The following VRK2 variants were observed in gnomAD, a reference collection of about 807,000 sequenced individuals.
The protein encoded by VRK2 is VRK serine/threonine kinase 2.
A neutral mutation model predicts 57.6 loss-of-function variants in VRK2; 60 were observed. That is an observed-to-expected ratio of 1.04 (90% CI 0.85 to 1.29). VRK2 has a LOEUF of 1.29. Among genes scored for constraint, VRK2 ranks in the 50% most tolerant of loss-of-function variants. The pLI is 0.00. For synonymous variants in VRK2, 231 were observed against 199.2 expected, an observed-to-expected ratio of 1.16 and a Z score of -1.35; for missense variants, 705 against 588.1, an observed-to-expected ratio of 1.20 and a Z score of -2.06.
intron 1 of VRK2, among the ~76,000 whole-genome samples, chr2:57,994,161 T>A (rs1672854130): frequency 1.3e-5 from 2 of 152,208 alleles, no homozygotes; most frequent in Non-Finnish European, 2.9e-5. Context: ...GAAAACTTTA[T>A]GGTCATTGAA....
chr2:57,925,210 T>C (rs937719979), intron 1 of VRK2, among the ~76,000 whole-genome samples: 4 of 152,110 alleles, frequency 2.6e-5, no homozygotes, highest in African/African-American at 9.7e-5. Context: ...ATCTGGGTAA[T>C]ACTGGCCTTG....
intron 12 of VRK2, chr2:58,159,138 T>C: frequency 4.8e-6 from 2 of 417,224 alleles, no homozygotes; most frequent in Non-Finnish European, 8.5e-6. Flanking sequence ...ACCACTCAAA[T>C]TATATCCAGA....
chr2:58,133,427 T>C (rs1679505021), intron 9 of VRK2, among the ~76,000 whole-genome samples: 1 of 152,230 alleles, frequency 6.6e-6, no homozygotes, highest in African/African-American at 2.4e-5. Context: ...ATAGACATTT[T>C]CAAACTTATT....
At chr2:57,983,325 C>G (rs1203211625) in intron 1 of VRK2, among the ~76,000 whole-genome samples, 1 of 152,168 alleles carries the variant, frequency 6.6e-6, no homozygotes, top group Non-Finnish European at 1.5e-5. Context: ...AGGAAAGGTT[C>G]TCAGCTTTTA....
chr2:58,057,073 TCCCCCA>T, intron 2 of VRK2, among the ~76,000 whole-genome samples: 1 of 152,098 alleles, frequency 6.6e-6, no homozygotes, highest in Non-Finnish European at 1.5e-5. Flanking sequence ...TTAACCTGTT[TCCCCCA>T]ACATGTGTGC....
rs372881731 is a variant in VRK2, at chr2:58,117,739, T to C, written c.544-5362T>C. Reference sequence around the variant, plus strand: ...GTTTGGAACTACTGTCAAGTTTGTATTGGGGTCAAGCGGCATTGCAGAAGA... The same window carrying C: ...GTTTGGAACTACTGTCAAGTTTGTACTGGGGTCAAGCGGCATTGCAGAAGA... On this transcript the variant is annotated intron_variant, in intron 7 of 12. Coordinates refer to ENST00000340157, the MANE Select transcript of VRK2 (RefSeq NM_006296.7). Among the ~76,000 whole-genome samples the C allele has an allele frequency of 3.3e-4, 50 of 152,230 alleles. 1 individual carries two copies. In the East Asian group the frequency reaches 5.8e-3, roughly 18 times the overall value.
chr2:57,962,612 C>T (rs1457293485), intron 1 of VRK2, among the ~76,000 whole-genome samples: 3 of 152,088 alleles, frequency 2.0e-5, no homozygotes, highest in African/African-American at 7.2e-5. Flanking sequence ...CTCTTGTTTC[C>T]TTCTTCGAGT....
chr2:58,121,310 T>G (rs1279656302), intron 7 of VRK2, among the ~76,000 whole-genome samples: 1 of 152,238 alleles, frequency 6.6e-6, no homozygotes, highest in Non-Finnish European at 1.5e-5. Context: ...ACTATTATAT[T>G]AAAATACAAT....
At chr2:57,983,159 T>C (rs1056451988) in intron 1 of VRK2, among the ~76,000 whole-genome samples, 20 of 152,118 alleles carry the variant, frequency 1.3e-4, no homozygotes. Context: ...CTGTTCAGAG[T>C]ATGCTGATCT....
At chr2:58,043,475 C>T (rs761043659), upstream of VRK2, among the ~76,000 whole-genome samples, 7 of 152,106 alleles carry the variant, frequency 4.6e-5, no homozygotes, top group South Asian at 2.1e-4. Flanking sequence ...TCTTCGATTT[C>T]GAATAAATTA....
intron 2 of VRK2, among the ~76,000 whole-genome samples, chr2:58,030,234 TA>T (rs1244228298): frequency 6.6e-6 from 1 of 152,146 alleles, no homozygotes; most frequent in African/African-American, 2.4e-5. Context: ...AAGTTTAACT[TA>T]AAACACTTAG....
chr2:58,145,322 T>C (rs985146065), intron 11 of VRK2, among the ~76,000 whole-genome samples: 1 of 152,012 alleles, frequency 6.6e-6, no homozygotes, highest in African/African-American at 2.4e-5. Context: ...CAGTATTCGA[T>C]GACATGAACT....
At chr2:57,921,772 G>C (rs1408121345) in intron 1 of VRK2, among the ~76,000 whole-genome samples, 1 of 152,016 alleles carries the variant, frequency 6.6e-6, no homozygotes, top group Non-Finnish European at 1.5e-5. Context: ...TAAGCTAGGA[G>C]TTGCTATGAT....
chr2:57,964,825 A>T (rs963432914), intron 1 of VRK2, among the ~76,000 whole-genome samples: 1 of 130,662 alleles, frequency 7.7e-6, no homozygotes, highest in Non-Finnish European at 1.6e-5. Context: ...GGTTGCAGTG[A>T]GTCAATATTG....
intron 7 of VRK2, among the ~76,000 whole-genome samples, chr2:58,092,537 G>A (rs1672525040): frequency 6.6e-6 from 1 of 152,146 alleles, no homozygotes; most frequent in Admixed American, 6.5e-5. Flanking sequence ...TAAATAACTA[G>A]GAGTGGAATT....
chr2:57,932,519 T>C (rs1670762859), intron 1 of VRK2, among the ~76,000 whole-genome samples: 1 of 152,186 alleles, frequency 6.6e-6, no homozygotes, highest in Non-Finnish European at 1.5e-5. Context: ...ATGACTGAAT[T>C]TCTGTGGAAT....
rs1673224126 is a variant in VRK2, at chr2:58,005,795, A to G, written c.-438-19870A>G. Among the ~76,000 whole-genome samples, 3 of 152,152 alleles carry G rather than the reference A, an allele frequency of 2.0e-5. No individual in the cohort carries two copies. The East Asian group carries it at 5.8e-4, about 29-fold the overall frequency. Reference sequence around the variant, plus strand: ...TAAGTTGGAAGACCCAGATGAAGCTAGGGACATTAAACTCCTAAATTCGAA... The same window carrying G: ...TAAGTTGGAAGACCCAGATGAAGCTGGGGACATTAAACTCCTAAATTCGAA... On this transcript the variant is annotated intron_variant, in intron 1 of 15. Coordinates refer to the VRK2 transcript ENST00000417641.
At position 58,025,357 on chromosome 2, in the gene VRK2, C is replaced by A. The variant is rs144802831; in HGVS notation, c.-438-308C>A. 2.9e-3 allele frequency among the ~76,000 whole-genome samples: 447 copies of A among 151,984 alleles called. 1 individual carries two copies. Among genetic ancestry groups the A allele is most frequent in the Middle Eastern group, 0.014 (4 of 294 alleles). ...TAGCTCATTATGTGGTAAGCCATTA[C>A]TATTGCTATGACTGAGAAAGTCGTT... On this transcript the variant is annotated intron_variant, in intron 1 of 15. Transcript: ENST00000417641.
intron 1 of VRK2, among the ~76,000 whole-genome samples, chr2:57,962,027 T>A (rs1020180412): frequency 3.9e-5 from 6 of 152,144 alleles, no homozygotes; most frequent in Non-Finnish European, 7.4e-5. Context: ...TACTAAGCCG[T>A]GATTGCGCCA....
Sources: allele counts gnomAD v4.1 joint callset (sites outside exome capture counted in the v4.1 genomes callset), GRCh38; gene constraint gnomAD v4.1.1; transcripts MANE v1.5; gene names NCBI Gene and HGNC (gene_info 2026-07-23, HGNC 2026-07-21).